Variants in GARRE1 observed in about 807,000 individuals in gnomAD.
The protein encoded by GARRE1 is granule associated Rac and RHOG effector protein 1.
In GARRE1, 49 loss-of-function variants were observed where a neutral mutation model predicts 103.2. The observed-to-expected ratio is 0.47, with a 90% CI of 0.38 to 0.60. The LOEUF is 0.60. Ranked by LOEUF, GARRE1 falls within the 20% of genes least tolerant of loss-of-function variation. GARRE1 has a pLI of 0.00. For synonymous variants in GARRE1, 505 were observed against 532.8 expected, an observed-to-expected ratio of 0.95 and a Z score of 0.72; for missense variants, 1,199 against 1,370.5, an observed-to-expected ratio of 0.87 and a Z score of 1.98.
intron 1 of GARRE1, among the ~76,000 whole-genome samples, chr19:34,273,949 TGATCACATTGA>T (rs1388569713): frequency 6.6e-6 from 1 of 152,096 alleles, no homozygotes; most frequent in Non-Finnish European, 1.5e-5. Context: ...CAGAGTGGTG[TGATCACATTGA>T]TTCTAGAGTA....
chr19:34,256,041 G>C (rs1391559154), intron 1 of GARRE1, among the ~76,000 whole-genome samples: 1 of 151,828 alleles, frequency 6.6e-6, no homozygotes, highest in African/African-American at 2.4e-5. Context: ...GTTTCGCCCA[G>C]TTGACCAGGT....
intron 1 of GARRE1, among the ~76,000 whole-genome samples, chr19:34,296,052 T>G (rs927588125): frequency 6.6e-6 from 1 of 152,252 alleles, no homozygotes; most frequent in Non-Finnish European, 1.5e-5. Context: ...ATTTCACTGC[T>G]TTGGTTACTA....
intron 2 of GARRE1, among the ~76,000 whole-genome samples, chr19:34,304,669 C>A (rs867062563): frequency 1.3e-5 from 2 of 152,088 alleles, no homozygotes; most frequent in Non-Finnish European, 2.9e-5. Flanking sequence ...TTAGCCACCA[C>A]GCCCAGCCAT....
intron 1 of GARRE1, among the ~76,000 whole-genome samples, chr19:34,277,235 G>T (rs1423315643): frequency 2.0e-5 from 3 of 152,146 alleles, no homozygotes; most frequent in Non-Finnish European, 4.4e-5. Context: ...TCTCAGTAAG[G>T]AGTTTGATTT....
rs865779154 is a variant in GARRE1, at chr19:34,267,798, G to C, written c.-796+13184G>C. 6.8e-5 allele frequency among the ~76,000 whole-genome samples: 10 copies of C among 147,806 alleles called. No individual in the cohort carries two copies. In the South Asian group the frequency reaches 1.9e-3, roughly 28 times the overall value. ...TTTTTTTGTTTTTTTTTTTTTGATGGAGTCTCGCTCTGTTGCCCAGGCTGG... is the reference window on the plus strand; with the variant it reads ...TTTTTTTGTTTTTTTTTTTTTGATGCAGTCTCGCTCTGTTGCCCAGGCTGG... On this transcript the variant is annotated intron_variant, in intron 1 of 13. Transcript: ENST00000299505.
chr19:34,352,642 C>T lies in GARRE1; in HGVS notation c.2905-5C>T. On this transcript the variant is annotated splice_polypyrimidine_tract_variant and splice_region_variant and intron_variant, in intron 13 of 13. Transcript: ENST00000299505. ...TGCCACTAAGAACTCTCTTTTGTTT[C>T]TCAGGATAACAAAACCAAAACGTGG... The T allele has an allele frequency of 6.2e-7, 1 of 1,604,858 alleles. No homozygotes were observed. The highest frequency in any genetic ancestry group is 8.5e-7 in the Non-Finnish European group (1 of 1,172,476).
intron 6 of GARRE1, among the ~76,000 whole-genome samples, chr19:34,329,741 C>T (rs1452590195): frequency 6.6e-6 from 1 of 151,742 alleles, no homozygotes; most frequent in Non-Finnish European, 1.5e-5. Context: ...GAGGCTGAGG[C>T]AGAAGAATTG....
At chr19:34,266,246 G>T (rs1023051702) in intron 1 of GARRE1, among the ~76,000 whole-genome samples, 2 of 152,224 alleles carry the variant, frequency 1.3e-5, no homozygotes, top group African/African-American at 4.8e-5. Flanking sequence ...GCTCTCTGGG[G>T]CTGTCTTCCC....
intron 3 of GARRE1, among the ~76,000 whole-genome samples, chr19:34,326,511 A>G (rs929851811): frequency 4.6e-5 from 7 of 152,156 alleles, no homozygotes; most frequent in African/African-American, 9.7e-5. Context: ...CTCCTTTTCT[A>G]TCTTGCTTAT....
At chr19:34,283,645 A>G (rs1325945127) in intron 1 of GARRE1, among the ~76,000 whole-genome samples, 1 of 152,120 alleles carries the variant, frequency 6.6e-6, no homozygotes, top group Non-Finnish European at 1.5e-5. Flanking sequence ...CTGACAGCCA[A>G]GATCTCACCC....
At chr19:34,320,907 T>C (rs984952505) in intron 3 of GARRE1, among the ~76,000 whole-genome samples, 1 of 114,196 alleles carries the variant, frequency 8.8e-6, no homozygotes, top group Non-Finnish European at 1.7e-5. Flanking sequence ...TATTATTACT[T>C]TTTTTTTTTT....
intron 1 of GARRE1, among the ~76,000 whole-genome samples, chr19:34,298,158 C>T (rs2073957032): frequency 6.6e-6 from 1 of 152,162 alleles, no homozygotes; most frequent in South Asian, 2.1e-4. Flanking sequence ...GTGGCTCATG[C>T]CTGTAATCTC....
At chr19:34,263,203 A>G (rs2145952061) in intron 1 of GARRE1, among the ~76,000 whole-genome samples, 1 of 152,304 alleles carries the variant, frequency 6.6e-6, no homozygotes. Context: ...ACAGAGCAAG[A>G]TTCCATCTCA....
Position 34,352,964 on chromosome 19 carries a change from C to T in GARRE1, c.*9C>T, listed in dbSNP as rs1052190869. 1 of 1,424,406 alleles carries T rather than the reference C, an allele frequency of 7.0e-7. No homozygotes were observed. The highest frequency in any genetic ancestry group is 2.2e-5 in the African/African-American group (1 of 44,936). The allele number at this position is 1,424,406 out of a possible 1,614,324, so 88.2% of individuals were successfully genotyped here. ...ATCTGCCCCAGTACTGACCCCAGGC[C>T]AGCCAGCCTGCCTGCCTGCCTGCCT... is the stretch of plus-strand genomic sequence containing the variant. On this transcript the variant is annotated 3_prime_UTR_variant, in exon 14 of 14. Transcript: ENST00000299505.
intron 8 of GARRE1, among the ~76,000 whole-genome samples, chr19:34,338,719 C>T (rs1057238495): frequency 1.1e-4 from 16 of 152,162 alleles, no homozygotes; most frequent in Admixed American, 3.3e-4. Flanking sequence ...GGCCTCACAG[C>T]TGGGACAAGG....
In GARRE1 at chr19:34,339,922, G is replaced by A; in HGVS notation, c.1417G>A (p.Glu473Lys). The A allele has an allele frequency of 6.2e-7, 1 of 1,614,030 alleles. No individual in the cohort carries two copies. The highest frequency in any genetic ancestry group is 8.5e-7 in the Non-Finnish European group (1 of 1,179,990). ...CCTGCTGCAGAGAAGCCTTGATCCT[G>A]AGAAGACCCTGGGTCTAGTGGACGT... ...MSLLQRSLDPEKTLGLVDVLY... is the reference protein window; with the variant it reads ...MSLLQRSLDPKKTLGLVDVLY... Residue 473 changes from glutamate (E) to lysine (K), a missense_variant, in exon 9 of 14, where the codon GAG becomes AAG. Physicochemically the swap from Glu to Lys is moderately conservative, Grantham distance 56. Coordinates refer to ENST00000299505, the MANE Select transcript of GARRE1 (RefSeq NM_014686.5).
intron 9 of GARRE1, among the ~76,000 whole-genome samples, chr19:34,340,352 T>C (rs2145278400): frequency 6.6e-6 from 1 of 152,350 alleles, no homozygotes; most frequent in South Asian, 2.1e-4. Flanking sequence ...TTTTTTTTCT[T>C]TTTCAATCAG....
intron 1 of GARRE1, among the ~76,000 whole-genome samples, chr19:34,283,830 C>CTTTTTTTTTTTTT (rs11335136): frequency 8.5e-6 from 1 of 117,254 alleles, no homozygotes; most frequent in Non-Finnish European, 1.7e-5. Flanking sequence ...TTCTTTCTTT[C>CTTTTTTTTTTTTT]TTTTTTTTTT....
At chr19:34,294,681 A>G (rs2073937643) in intron 1 of GARRE1, among the ~76,000 whole-genome samples, 1 of 151,764 alleles carries the variant, frequency 6.6e-6, no homozygotes, top group Non-Finnish European at 1.5e-5. Context: ...ATATCTTCCA[A>G]TTTTTTGTTG....
Sources: allele counts gnomAD v4.1 joint callset (sites outside exome capture counted in the v4.1 genomes callset), GRCh38; gene constraint gnomAD v4.1.1; transcripts MANE v1.5; gene names NCBI Gene and HGNC (gene_info 2026-07-23, HGNC 2026-07-21).